Variants in PAH observed in about 807,000 individuals in gnomAD.
PAH encodes the protein phenylalanine-4-hydroxylase.
PAH carries 64 observed loss-of-function variants against 62.0 expected under a neutral mutation model. The ratio of observed to expected loss-of-function variants is 1.03; its 90% CI spans 0.84 to 1.27. The LOEUF (loss-of-function observed/expected upper bound fraction) is 1.27. Among genes scored for constraint, PAH ranks in the 50% most tolerant of loss-of-function variants. PAH has a pLI of 0.00. For missense variants in PAH, 579 were observed against 542.8 expected (o/e 1.07, Z -0.66); for synonymous variants, 195 against 196.2 (o/e 0.99, Z 0.05).
At chr12:102,875,376 G>A (rs528809785) in intron 4 of PAH, among the ~76,000 whole-genome samples, 14 of 152,336 alleles carry the variant, frequency 9.2e-5, no homozygotes, top group African/African-American at 1.9e-4. Flanking sequence ...GGAGTGAAAC[G>A]AATGGGAAGA....
At chr12:102,906,185 G>A (rs1031343343) in intron 2 of PAH, among the ~76,000 whole-genome samples, 1 of 152,106 alleles carries the variant, frequency 6.6e-6, no homozygotes, top group Non-Finnish European at 1.5e-5. Flanking sequence ...TCATTATATT[G>A]TTCAAGATTA....
intron 12 of PAH, among the ~76,000 whole-genome samples, chr12:102,839,519 A>C (rs1328608130): frequency 6.6e-6 from 1 of 152,258 alleles, no homozygotes; most frequent in African/African-American, 2.4e-5. Flanking sequence ...TACCATCTGC[A>C]TATGCTACAA....
chr12:102,867,923 AT>A (rs1459494662), intron 4 of PAH, among the ~76,000 whole-genome samples: 7 of 138,422 alleles, frequency 5.1e-5, no homozygotes, highest in African/African-American at 1.9e-4. Context: ...GTATATACAT[AT>A]ATAGATGTAT....
chr12:102,893,862 C>G (rs1212423969), intron 3 of PAH, among the ~76,000 whole-genome samples: 2 of 152,164 alleles, frequency 1.3e-5, no homozygotes, highest in Admixed American at 1.3e-4. Flanking sequence ...GAAATATGTG[C>G]AGAGCACCTG....
intron 4 of PAH, among the ~76,000 whole-genome samples, chr12:102,876,282 C>G (rs1876561025): frequency 1.3e-5 from 2 of 152,182 alleles, no homozygotes; most frequent in Non-Finnish European, 2.9e-5. Context: ...AAAAGGCCAG[C>G]TTGCCCCTGA....
chr12:102,862,486 C>T (rs753579860), intron 5 of PAH, among the ~76,000 whole-genome samples: 5 of 152,124 alleles, frequency 3.3e-5, no homozygotes, highest in African/African-American at 1.2e-4. Flanking sequence ...GTCTGTAAAA[C>T]AAACCCCCAT....
At chr12:102,900,436 T>A (rs1473297790) in intron 2 of PAH, among the ~76,000 whole-genome samples, 1 of 151,992 alleles carries the variant, frequency 6.6e-6, no homozygotes, top group South Asian at 2.1e-4. Flanking sequence ...ATAATAGATA[T>A]AGGTATGGGA....
In PAH at chr12:102,843,842, T is replaced by G. The variant is rs1167986136; in HGVS notation, c.1066-63A>C. 7.7e-6 allele frequency: 12 copies of G among 1,554,722 alleles called. No individual in the cohort carries two copies. In the Admixed American group the frequency reaches 8.3e-5, roughly 11 times the overall value. On this transcript the variant is annotated intron_variant, in intron 10 of 12. Transcript: ENST00000553106. ...ATCAGGATCAGTATTCCCTGCTGCA[T>G]CCCATAGGCCATTTGTGCCCCTTCT...
chr12:102,876,453 T>C (rs1876568784), intron 4 of PAH, among the ~76,000 whole-genome samples: 1 of 152,206 alleles, frequency 6.6e-6, no homozygotes, highest in African/African-American at 2.4e-5. Flanking sequence ...GATGGAAGCA[T>C]CTGCTTTGCC....
upstream of PAH, among the ~76,000 whole-genome samples, chr12:102,918,049 G>A (rs997585776): frequency 5.9e-5 from 9 of 152,174 alleles, no homozygotes; most frequent in Non-Finnish European, 1.3e-4. Context: ...TGCCTCCCCA[G>A]CTATGCTGCC....
chr12:102,868,080 G>A lies in PAH; in HGVS notation c.442-1417C>T, dbSNP rs567396244. The stretch of plus-strand genomic sequence containing the variant: ...TATATACACATATATATACATATAT[G>A]TGTGTGTGTATATATATATATATAC... On this transcript the variant is annotated intron_variant, in intron 4 of 12. Transcript: ENST00000553106. 1.0e-3 allele frequency among the ~76,000 whole-genome samples: 50 copies of A among 47,758 alleles called. 7 individuals carry two copies. The highest frequency in any genetic ancestry group is 4.5e-3 in the African/African-American group (45 of 10,086). 31.3% of individuals were successfully genotyped at this position (47,758 alleles called of 152,430 possible).
intron 8 of PAH, among the ~76,000 whole-genome samples, chr12:102,849,796 C>T (rs1281678547): frequency 6.6e-6 from 1 of 152,178 alleles, no homozygotes; most frequent in Non-Finnish European, 1.5e-5. Flanking sequence ...GCCCCACATT[C>T]CCTGTGCTCC....
intron 5 of PAH, among the ~76,000 whole-genome samples, chr12:102,862,520 A>G (rs1875773414): frequency 6.6e-6 from 1 of 152,200 alleles, no homozygotes; most frequent in Non-Finnish European, 1.5e-5. Context: ...CTATATGTAA[A>G]TACCTGCCCA....
chr12:102,841,579 T>C (rs1874598284), intron 11 of PAH, among the ~76,000 whole-genome samples: 1 of 152,224 alleles, frequency 6.6e-6, no homozygotes, highest in Non-Finnish European at 1.5e-5. Context: ...AATGCTGTTA[T>C]ACTATGGTGT....
chr12:102,938,325 C>T (rs1440671813), intron 1 of PAH, among the ~76,000 whole-genome samples: 2 of 152,196 alleles, frequency 1.3e-5, no homozygotes, highest in African/African-American at 4.8e-5. Flanking sequence ...CACTCCCAGG[C>T]CTCCAAACTG....
intron 3 of PAH, among the ~76,000 whole-genome samples, chr12:102,885,880 T>G (rs151027048): frequency 1.3e-5 from 2 of 152,266 alleles, no homozygotes; most frequent in East Asian, 3.9e-4. Flanking sequence ...TCCTGGTTTC[T>G]TGGGTCTGAA....
intron 2 of PAH, among the ~76,000 whole-genome samples, chr12:102,908,806 A>G (rs1038849779): frequency 6.6e-6 from 1 of 151,676 alleles, no homozygotes; most frequent in Non-Finnish European, 1.5e-5. Context: ...ATCCCATTCA[A>G]AATACCACGT....
intron 8 of PAH, among the ~76,000 whole-genome samples, chr12:102,847,967 T>A (rs1190681183): frequency 6.6e-6 from 1 of 152,202 alleles, no homozygotes. Context: ...GAGGGGGCAG[T>A]GGCAGGTGAT....
At chr12:102,955,764 G>C, upstream of PAH, among the ~76,000 whole-genome samples, 1 of 152,108 alleles carries the variant, frequency 6.6e-6, no homozygotes, top group East Asian at 1.9e-4. Context: ...CCCTTTCCTT[G>C]GTCAGGGATG....
Sources: allele counts gnomAD v4.1 joint callset (sites outside exome capture counted in the v4.1 genomes callset), GRCh38; gene constraint gnomAD v4.1.1; transcripts MANE v1.5; gene names NCBI Gene and HGNC (gene_info 2026-07-23, HGNC 2026-07-21).